The following VPS29 variants were observed in gnomAD, a reference collection of about 807,000 sequenced individuals.
The protein encoded by VPS29 is VPS29 retromer complex component.
VPS29 carries 2 observed loss-of-function variants against 20.0 expected under a neutral mutation model. The ratio of observed to expected loss-of-function variants is 0.10; its 90% CI spans 0.04 to 0.31. VPS29 has a LOEUF of 0.31. Ranked by LOEUF, VPS29 falls within the 10% of genes least tolerant of loss-of-function variation. The probability of loss-of-function intolerance (pLI) is 1.00; values close to 1 mark genes in which losing one functional copy is unlikely to be tolerated. For missense variants in VPS29, 120 were observed against 215.3 expected, an observed-to-expected ratio of 0.56 and a Z score of 2.77; for synonymous variants, 81 against 79.3, an observed-to-expected ratio of 1.02 and a Z score of -0.12.
At position 110,493,213 on chromosome 12, in the gene VPS29, G is replaced by C; in HGVS notation, c.214C>G (p.Gln72Glu). ...DFDENLNYPE[Q>E]KVVTVGQFKI... is the part of the protein sequence containing the mutation. Reference sequence around the variant, plus strand: ...AACTGTCCAACAGTCACAACTTTCTGTTCTGGATAATTCAGATTCTAACAT... The same window carrying C: ...AACTGTCCAACAGTCACAACTTTCTCTTCTGGATAATTCAGATTCTAACAT... The change falls in exon 3 of 4, where the codon CAG becomes GAG. Residue 72 changes from glutamine (Q) to glutamate (E), a missense_variant. Transcript: ENST00000549578. 6.5e-7 allele frequency: 1 copy of C among 1,536,984 alleles called. No individual in the cohort carries two copies. Among genetic ancestry groups the C allele is most frequent in the Non-Finnish European group, 8.8e-7 (1 of 1,141,528 alleles).
chr12:110,498,786 T>C, intron 1 of VPS29: 1 of 971,072 alleles, frequency 1.0e-6, no homozygotes, highest in Non-Finnish European at 1.2e-6. Flanking sequence ...CACTATGAAG[T>C]TTCCACCCTC....
At chr12:110,501,347 GA>G in intron 1 of VPS29, 2 of 1,531,020 alleles carry the variant, frequency 1.3e-6, no homozygotes, top group Non-Finnish European at 1.7e-6. Flanking sequence ...ACTCTCCCCA[GA>G]AAAATGTGTA....
At chr12:110,499,215 T>C (rs954153050) in intron 1 of VPS29, 20 of 263,634 alleles carry the variant, frequency 7.6e-5, no homozygotes, top group African/African-American at 3.7e-4. Context: ...GGATCCTTAC[T>C]AGGACAGAAT....
chr12:110,496,065 AG>A lies in VPS29; in HGVS notation c.141del (p.Tyr48IlefsTer12). The A allele has an allele frequency of 6.2e-7, 1 of 1,611,134 alleles. No homozygotes were observed. ...ACATCACCAGCCAGAGTCTTGAGAT[AG>A]TCATAACTCTCTTTGGTGCAAAGGT... ...TGNLCTKESY[D>X]YLKTLAGDVH... On this transcript the variant is annotated frameshift_variant, in exon 2 of 4. Coordinates refer to ENST00000549578, the MANE Select transcript of VPS29 (RefSeq NM_016226.5). LOFTEE classifies it high-confidence loss of function.
At chr12:110,501,505 T>C (rs1276314539) in intron 1 of VPS29, 8 of 1,535,322 alleles carry the variant, frequency 5.2e-6, no homozygotes, top group African/African-American at 1.4e-5. Flanking sequence ...CCTGCTCATC[T>C]CAATGGCAGC....
chr12:110,496,629 C>A (rs1476836066), intron 1 of VPS29: 6 of 152,656 alleles, frequency 3.9e-5, no homozygotes, highest in African/African-American at 1.2e-4. Flanking sequence ...TACTACTGGG[C>A]CCTATAGAAT....
chr12:110,492,236 C>T (rs1192179903), intron 3 of VPS29, 114 bp from the exon 4 acceptor site: 3 of 841,842 alleles, frequency 3.6e-6, no homozygotes, highest in African/African-American at 3.4e-5. Context: ...ATCACATGAA[C>T]AGTTACCAAA....
At chr12:110,495,969 C>G in intron 2 of VPS29, 43 bp downstream of exon 2, 1 of 1,441,442 alleles carries the variant, frequency 6.9e-7, no homozygotes, top group Non-Finnish European at 9.3e-7. Context: ...AAGTAATAAT[C>G]AAGAAAGGGA....
chr12:110,501,564 AT>A, intron 1 of VPS29: 1 of 1,535,300 alleles, frequency 6.5e-7, no homozygotes, highest in Non-Finnish European at 8.7e-7. Context: ...CTTTCCCTAG[AT>A]GGCAAAGTTA....
rs994929918 is a variant in VPS29 at position 110,492,038 on chromosome 12, C to T, written c.516G>A (p.Val172=). 2.3e-5 allele frequency: 37 copies of T among 1,613,892 alleles called. No individual in the cohort carries two copies. Among genetic ancestry groups the T allele is most frequent in the Non-Finnish European group, 3.0e-5 (35 of 1,179,960 alleles). ...TYVYQLIGDD[V]KVERIEYKKP ...TTTTGTATTCGATTCGTTCTACTTT[C>T]ACATCATCTCCAATTAGCTGATACA... Residue 172 remains valine (V), a synonymous_variant, in exon 4 of 4, where the codon GTG becomes GTA. Transcript: ENST00000549578.
At chr12:110,501,601 CT>C in intron 1 of VPS29, 1 of 1,535,068 alleles carries the variant, frequency 6.5e-7, no homozygotes, top group Non-Finnish European at 8.7e-7. Context: ...CTGCTCGCTA[CT>C]TCCTGTTCTG....
intron 1 of VPS29, among the ~76,000 whole-genome samples, chr12:110,498,175 T>C (rs1019715887): frequency 6.6e-6 from 1 of 152,066 alleles, no homozygotes; most frequent in Non-Finnish European, 1.5e-5. Flanking sequence ...TTTCACCGTG[T>C]TGGCCAGGCT....
In VPS29 at chr12:110,492,137, AAAT is replaced by A; in HGVS notation, c.432-18_432-16del. On this transcript the variant is annotated splice_polypyrimidine_tract_variant and intron_variant, in intron 3 of 3. Coordinates refer to ENST00000549578, the MANE Select transcript of VPS29 (RefSeq NM_016226.5). ...GAATAATGTTTCTAGAAGAAAAAAT[AAAT>A]AATGTCAGTGTTTTGTAGCACAAAG... The A allele has an allele frequency of 6.4e-7, 1 of 1,571,876 alleles. No homozygotes were observed. The highest frequency in any genetic ancestry group is 8.7e-7 in the Non-Finnish European group (1 of 1,146,740).
intron 2 of VPS29, among the ~76,000 whole-genome samples, chr12:110,494,559 T>A (rs2135574464): frequency 6.7e-6 from 1 of 148,910 alleles, no homozygotes; most frequent in East Asian, 2.0e-4. Flanking sequence ...CGGCCTAAAA[T>A]AAAATTTTCA....
chr12:110,498,813 A>G, intron 1 of VPS29: 8 of 983,666 alleles, frequency 8.1e-6, no homozygotes, highest in Non-Finnish European at 9.7e-6. Flanking sequence ...AATCAACATA[A>G]AAGTACCTGG....
rs71083128 is a variant in VPS29, at chr12:110,497,207, CTTTTTTTTTTTTTTT to C, written c.4-1019_4-1005del. Among the ~76,000 whole-genome samples, 74 of 77,226 alleles carry C rather than the reference CTTTTTTTTTTTTTTT, an allele frequency of 9.6e-4. 1 individual carries two copies. Among genetic ancestry groups the C allele is most frequent in the Non-Finnish European group, 3.6e-4 (16 of 44,564 alleles). 50.7% of individuals were successfully genotyped at this position (77,226 alleles called of 152,430 possible). On this transcript the variant is annotated intron_variant, in intron 1 of 3. Transcript: ENST00000549578. Reference sequence around the variant, plus strand: ...AAAATTTTAATTTAAAAATTTCTTTCTTTTTTTTTTTTTTTTTTTTTTTTTTTGAGACGGAGTCTC... The same window carrying C: ...AAAATTTTAATTTAAAAATTTCTTTCTTTTTTTTTTTTGAGACGGAGTCTC...
At chr12:110,493,320 T>C in intron 2 of VPS29, 89 bp from the exon 3 acceptor site, 1 of 996,906 alleles carries the variant, frequency 1.0e-6, no homozygotes, top group Non-Finnish European at 1.4e-6. Context: ...CAATCTCCTA[T>C]GGATGTTTTG....
At chr12:110,497,908 ACT>A (rs975486376) in intron 1 of VPS29, among the ~76,000 whole-genome samples, 3 of 151,266 alleles carry the variant, frequency 2.0e-5, no homozygotes, top group East Asian at 2.0e-4. Flanking sequence ...GCAGAGTGAG[ACT>A]CTGTCTCAAA....
intron 3 of VPS29, 128 bp from the exon 4 acceptor site, chr12:110,492,250 T>C (rs756904115): frequency 6.6e-6 from 5 of 752,276 alleles, no homozygotes; most frequent in East Asian, 2.6e-5. Context: ...TACCAAAAGA[T>C]TGCCAAAATG....
Sources: allele counts gnomAD v4.1 joint callset (sites outside exome capture counted in the v4.1 genomes callset), GRCh38; gene constraint gnomAD v4.1.1; transcripts MANE v1.5; gene names NCBI Gene and HGNC (gene_info 2026-07-23, HGNC 2026-07-21).